Variants in PAQR5 observed in about 807,000 individuals in gnomAD.
The protein encoded by PAQR5 is membrane progestin receptor gamma.
PAQR5 carries 20 observed loss-of-function variants against 34.5 expected under a neutral mutation model. The observed-to-expected ratio is 0.58, with a 90% confidence interval of 0.41 to 0.84. The LOEUF (loss-of-function observed/expected upper bound fraction) is 0.84, where lower values mean the gene tolerates loss of function less well. Ranked by LOEUF, PAQR5 falls within the 40% of genes least tolerant of loss-of-function variation. PAQR5 has a pLI of 0.00. For synonymous variants in PAQR5, 131 were observed against 155.6 expected (o/e 0.84, Z 1.18); for missense variants, 378 against 412.7 (o/e 0.92, Z 0.73).
intron 2 of PAQR5, among the ~76,000 whole-genome samples, chr15:69,355,986 A>T (rs902054845): frequency 2.6e-5 from 4 of 152,072 alleles, no homozygotes; most frequent in Non-Finnish European, 5.9e-5. Context: ...CCTGATTAAA[A>T]TGCAGTAAGC....
intron 1 of PAQR5, among the ~76,000 whole-genome samples, chr15:69,306,592 A>T (rs1189689283): frequency 6.6e-6 from 1 of 151,866 alleles, no homozygotes; most frequent in East Asian, 1.9e-4. Context: ...TTTAGTAGAG[A>T]CAAGGTTTCA....
chr15:69,341,044 TA>T (rs1254990965), intron 2 of PAQR5, among the ~76,000 whole-genome samples: 3 of 152,200 alleles, frequency 2.0e-5, no homozygotes, highest in Non-Finnish European at 4.4e-5. Flanking sequence ...GCTAAGCACT[TA>T]AAAATGTGTA....
intron 2 of PAQR5, among the ~76,000 whole-genome samples, chr15:69,341,733 T>C (rs2054649289): frequency 6.6e-6 from 1 of 151,946 alleles, no homozygotes; most frequent in African/African-American, 2.4e-5. Flanking sequence ...TCACTTGAGC[T>C]CAGGAGTTTG....
chr15:69,320,445 G>T (rs1302681926), intron 1 of PAQR5, among the ~76,000 whole-genome samples: 1 of 109,914 alleles, frequency 9.1e-6, no homozygotes, highest in Non-Finnish European at 2.4e-5. Flanking sequence ...TCAGAGAGGT[G>T]CCTAGCATCC....
At chr15:69,389,562 G>C in intron 5 of PAQR5, 92 bp from the exon 6 acceptor site, 1 of 1,539,166 alleles carries the variant, frequency 6.5e-7, no homozygotes, top group Non-Finnish European at 8.9e-7. Context: ...GGAATGATAA[G>C]GGCCAAGCCA....
intron 6 of PAQR5, among the ~76,000 whole-genome samples, chr15:69,395,090 G>C (rs1159791305): frequency 2.0e-5 from 3 of 152,180 alleles, no homozygotes; most frequent in South Asian, 2.1e-4. Flanking sequence ...CTTTAAGAGC[G>C]AGCCTCTCAA....
intron 1 of PAQR5, among the ~76,000 whole-genome samples, chr15:69,316,520 T>C (rs1227459251): frequency 1.3e-5 from 2 of 152,224 alleles, no homozygotes; most frequent in African/African-American, 4.8e-5. Flanking sequence ...TTGTGAAATG[T>C]GTTACTTACG....
intron 4 of PAQR5, among the ~76,000 whole-genome samples, chr15:69,380,710 T>A (rs2055860164): frequency 6.6e-6 from 1 of 152,000 alleles, no homozygotes; most frequent in Admixed American, 6.5e-5. Flanking sequence ...GGAGACAGGG[T>A]CAAAGCACCA....
chr15:69,366,339 T>C (rs115571016), intron 3 of PAQR5, among the ~76,000 whole-genome samples: 1,804 of 152,352 alleles, frequency 0.012, 38 homozygotes, highest in African/African-American at 0.041. Flanking sequence ...CCATAGTTTG[T>C]TTATCCATTC....
chr15:69,302,170 C>T (rs147234913), intron 1 of PAQR5, among the ~76,000 whole-genome samples: 7 of 152,134 alleles, frequency 4.6e-5, no homozygotes, highest in East Asian at 3.9e-4. Flanking sequence ...CTCCCGGTCT[C>T]GAGCTATCTT....
chr15:69,405,085 G>A lies in PAQR5; in HGVS notation c.*1263G>A. ...GTTCCAGCGTTTTCTACTCTGAATA[G>A]TTCTAAAACACTGAGCATTTTCTCA... is the stretch of plus-strand genomic sequence containing the variant. On this transcript the variant is annotated 3_prime_UTR_variant, in exon 9 of 9. Coordinates refer to ENST00000395407, the MANE Select transcript of PAQR5 (RefSeq NM_017705.4). 1 of 398,454 alleles carries A rather than the reference G, an allele frequency of 2.5e-6. No homozygotes were observed. The highest frequency in any genetic ancestry group is 4.4e-6 in the Non-Finnish European group (1 of 225,948). The allele number at this position is 398,454 out of a possible 1,614,324, so 24.7% of individuals were successfully genotyped here.
intron 8 of PAQR5, among the ~76,000 whole-genome samples, chr15:69,402,127 A>ATTGTTGT (rs2056647155): frequency 1.3e-5 from 2 of 152,144 alleles, no homozygotes; most frequent in Non-Finnish European, 2.9e-5. Context: ...AGTATCACAG[A>ATTGTTGT]CTGTTGTGGC....
chr15:69,386,572 C>T (rs773648348), intron 5 of PAQR5, among the ~76,000 whole-genome samples: 10 of 151,900 alleles, frequency 6.6e-5, no homozygotes, highest in Non-Finnish European at 1.5e-4. Context: ...CACATCCCTC[C>T]CTCCCTCCCG....
At chr15:69,335,534 C>T (rs777620793) in intron 1 of PAQR5, among the ~76,000 whole-genome samples, 25 of 141,592 alleles carry the variant, frequency 1.8e-4, no homozygotes, top group African/African-American at 3.7e-4. Context: ...TGTGAGCCAC[C>T]GCATCCAGTT....
intron 4 of PAQR5, among the ~76,000 whole-genome samples, chr15:69,382,518 G>A (rs2055914816): frequency 6.6e-6 from 1 of 151,210 alleles, no homozygotes; most frequent in Non-Finnish European, 1.5e-5. Flanking sequence ...GGTGGAGGGT[G>A]CCTGTAGTCC....
Position 69,401,914 on chromosome 15 carries a change from C to A in PAQR5, c.752-1667C>A, listed in dbSNP as rs377390561. 2.0e-5 allele frequency among the ~76,000 whole-genome samples: 3 copies of A among 152,102 alleles called. No homozygotes were observed. The East Asian group carries it at 5.8e-4, about 29-fold the overall frequency. On this transcript the variant is annotated intron_variant, in intron 8 of 8. Coordinates refer to ENST00000395407, the MANE Select transcript of PAQR5 (RefSeq NM_017705.4). Reference sequence around the variant, plus strand: ...GTGAAACACTGAATTTTTTATTTTTCTAGAGATGGGATCTCACTGTGTTGC... The same window carrying A: ...GTGAAACACTGAATTTTTTATTTTTATAGAGATGGGATCTCACTGTGTTGC...
chr15:69,367,470 A>G (rs890551562), intron 3 of PAQR5, among the ~76,000 whole-genome samples: 23 of 152,202 alleles, frequency 1.5e-4, no homozygotes, highest in African/African-American at 5.5e-4. Context: ...GTTATTTCAC[A>G]TCACACTACA....
intron 2 of PAQR5, among the ~76,000 whole-genome samples, chr15:69,350,833 A>G (rs940518812): frequency 5.3e-5 from 8 of 152,158 alleles, no homozygotes; most frequent in Non-Finnish European, 1.2e-4. Flanking sequence ...CTGAAAATTT[A>G]TACTATTACT....
At chr15:69,378,436 CA>C (rs1235264927) in intron 3 of PAQR5, among the ~76,000 whole-genome samples, 31 of 52,522 alleles carry the variant, frequency 5.9e-4, no homozygotes, top group African/African-American at 2.5e-3. Flanking sequence ...GACCCTGTCT[CA>C]AAAAAAAAAA....
Sources: allele counts gnomAD v4.1 joint callset (sites outside exome capture counted in the v4.1 genomes callset), GRCh38; gene constraint gnomAD v4.1.1; transcripts MANE v1.5; gene names NCBI Gene and HGNC (gene_info 2026-07-23, HGNC 2026-07-21).